LIN9: variants seen among roughly 807,000 people sequenced by gnomAD.
LIN9 encodes lin-9 DREAM MuvB core complex component, also known as protein lin-9 homolog.
A neutral mutation model predicts 78.0 loss-of-function variants in LIN9; 18 were observed. That is an observed-to-expected ratio of 0.23 (90% confidence interval 0.16 to 0.34). The LOEUF (loss-of-function observed/expected upper bound fraction) is 0.34. LIN9 is among the 10% of genes least tolerant of loss of function. The pLI, the probability that LIN9 is intolerant of heterozygous loss-of-function variation, is 1.00. For missense variants in LIN9, 451 were observed against 644.1 expected (o/e 0.70, Z 3.25); for synonymous variants, 192 against 215.2 (o/e 0.89, Z 0.94).
At chr1:226,250,475 A>G (rs1248374167) in intron 11 of LIN9, among the ~76,000 whole-genome samples, 1 of 152,202 alleles carries the variant, frequency 6.6e-6, no homozygotes, top group Non-Finnish European at 1.5e-5. Flanking sequence ...TGCACTGCCA[A>G]TTTACTTAGC....
At chr1:226,253,772 C>T (rs1175687968) in intron 10 of LIN9, among the ~76,000 whole-genome samples, 6 of 151,732 alleles carry the variant, frequency 4.0e-5, no homozygotes, top group South Asian at 2.1e-4. Context: ...AAAATTTAGC[C>T]GGCATGATGG....
chr1:226,308,973 A>G (rs1371608465), intron 1 of LIN9, 136 bp downstream of exon 1: 2 of 807,744 alleles, frequency 2.5e-6, no homozygotes, highest in Non-Finnish European at 3.4e-6. Context: ...CCGGAGTGGG[A>G]GGACTAGGGG....
intron 4 of LIN9, among the ~76,000 whole-genome samples, chr1:226,291,585 G>A (rs1661797084): frequency 6.6e-6 from 1 of 151,964 alleles, no homozygotes; most frequent in Non-Finnish European, 1.5e-5. Flanking sequence ...AGTACATATT[G>A]GAATGGTAAG....
At chr1:226,302,521 TG>T (rs1296548650) in intron 1 of LIN9, among the ~76,000 whole-genome samples, 1 of 139,776 alleles carries the variant, frequency 7.2e-6, no homozygotes, top group East Asian at 2.1e-4. Context: ...CCATCCAGCC[TG>T]GGTGACAGAG....
chr1:226,286,516 A>G (rs1661388054), intron 5 of LIN9, 58 bp from the exon 6 acceptor site: 7 of 1,284,400 alleles, frequency 5.5e-6, no homozygotes, highest in Non-Finnish European at 7.5e-6. Flanking sequence ...TTCTTAAAAC[A>G]CATAAAATCA....
rs200188602 is a variant in LIN9 at position 226,249,075 on chromosome 1, G to A, written c.1119+1764C>T. Among the ~76,000 whole-genome samples, 13 of 152,258 alleles carry A rather than the reference G, an allele frequency of 8.5e-5. No individual in the cohort carries two copies. The East Asian group carries it at 2.5e-3, about 29-fold the overall frequency. On this transcript the variant is annotated intron_variant, in intron 11 of 14. Transcript: ENST00000681046. ...TTAACTGGGCAAAGGCAAGCCCAGT[G>A]CTTTAAAGCATGGAACTTAGAAGAA...
At chr1:226,234,416 T>C (rs1331576302) in intron 12 of LIN9, among the ~76,000 whole-genome samples, 2 of 152,194 alleles carry the variant, frequency 1.3e-5, no homozygotes, top group Admixed American at 1.3e-4. Context: ...CATACTGACA[T>C]AACTTTTATT....
intron 1 of LIN9, among the ~76,000 whole-genome samples, chr1:226,307,146 G>T (rs1662967078): frequency 1.3e-5 from 2 of 152,214 alleles, no homozygotes; most frequent in South Asian, 2.1e-4. Context: ...AATGGCAGTT[G>T]TAAGAAAGCC....
chr1:226,260,961 TG>T (rs1659549659), intron 10 of LIN9, among the ~76,000 whole-genome samples: 1 of 151,810 alleles, frequency 6.6e-6, no homozygotes, highest in Non-Finnish European at 1.5e-5. Flanking sequence ...GAGATTTACC[TG>T]AAGTATGCAA....
rs1007149288 is a variant in LIN9 at position 226,290,650 on chromosome 1, C to T, written c.265-2853G>A. 1.3e-4 allele frequency among the ~76,000 whole-genome samples: 19 copies of T among 151,944 alleles called. No individual in the cohort carries two copies. In the East Asian group the frequency reaches 3.1e-3, roughly 25 times the overall value. On this transcript the variant is annotated intron_variant, in intron 4 of 14. Coordinates refer to ENST00000681046, the MANE Select transcript of LIN9 (RefSeq NM_001366245.2). Reference sequence around the variant, plus strand: ...CCACCGCACCCGGCCAAGGCTATTTCTATATATCAGATTAGCAAAAATCTA... The same window carrying T: ...CCACCGCACCCGGCCAAGGCTATTTTTATATATCAGATTAGCAAAAATCTA...
upstream of LIN9, chr1:226,309,427 C>T: frequency 1.0e-6 from 1 of 1,000,230 alleles, no homozygotes; most frequent in Non-Finnish European, 1.2e-6. Flanking sequence ...CGCCGGAGCG[C>T]GGGGGGAGCA....
At chr1:226,240,441 T>C (rs953637684) in intron 11 of LIN9, among the ~76,000 whole-genome samples, 1 of 147,970 alleles carries the variant, frequency 6.8e-6, no homozygotes, top group African/African-American at 2.5e-5. Context: ...CAGGCTGGAG[T>C]GCAATGACGT....
chr1:226,276,926 T>TAGAAATGA (rs1193129404), intron 7 of LIN9, among the ~76,000 whole-genome samples: 2 of 152,112 alleles, frequency 1.3e-5, no homozygotes, highest in Admixed American at 1.3e-4. Context: ...ATTCAATCAT[T>TAGAAATGA]AGAAATGGAC....
At chr1:226,257,288 T>G (rs538622610) in intron 10 of LIN9, among the ~76,000 whole-genome samples, 8 of 152,182 alleles carry the variant, frequency 5.3e-5, no homozygotes, top group Non-Finnish European at 1.2e-4. Flanking sequence ...AAAAGAAAAT[T>G]TTATATGTCA....
intron 4 of LIN9, 145 bp downstream of exon 4, chr1:226,295,697 T>C: frequency 1.9e-6 from 1 of 538,638 alleles, no homozygotes; most frequent in Non-Finnish European, 3.3e-6. Flanking sequence ...TAACATTTTC[T>C]AGGTAACTAA....
intron 1 of LIN9, among the ~76,000 whole-genome samples, chr1:226,303,256 T>C (rs1177555053): frequency 6.6e-6 from 1 of 152,202 alleles, no homozygotes; most frequent in Non-Finnish European, 1.5e-5. Flanking sequence ...CTACCTGCTC[T>C]AGGCAATGGG....
chr1:226,271,143 T>C (rs1167842529), intron 7 of LIN9, among the ~76,000 whole-genome samples: 1 of 152,210 alleles, frequency 6.6e-6, no homozygotes, highest in East Asian at 1.9e-4. Flanking sequence ...ACTTTCTATA[T>C]ACTGTAGCTA....
chr1:226,309,062 C>A, intron 1 of LIN9, 47 bp downstream of exon 1: 2 of 1,305,894 alleles, frequency 1.5e-6, no homozygotes, highest in Non-Finnish European at 2.0e-6. Flanking sequence ...AACCGCTGGG[C>A]AAGCAGCAGG....
chr1:226,243,883 A>ATTATTG (rs1168411367), intron 11 of LIN9, among the ~76,000 whole-genome samples: 2 of 150,422 alleles, frequency 1.3e-5, no homozygotes, highest in African/African-American at 4.9e-5. Context: ...AAAAATTATT[A>ATTATTG]TTATTTTTTG....
Sources: gnomAD v4.1 joint callset for allele counts (sites outside exome capture counted in the v4.1 genomes callset) on GRCh38, gnomAD v4.1.1 for gene constraint, MANE v1.5 for transcripts, NCBI Gene and HGNC (gene_info 2026-07-23, HGNC 2026-07-21) for gene names.